PCSK2: variants seen among roughly 807,000 people sequenced by gnomAD.
PCSK2 encodes proprotein convertase subtilisin/kexin type 2.
Under a neutral mutation model 69.7 loss-of-function variants are expected in PCSK2, and 14 were observed. The observed-to-expected ratio is 0.20, with a 90% confidence interval of 0.13 to 0.31. PCSK2 has a LOEUF of 0.31. Ranked by LOEUF, PCSK2 falls within the 10% of genes least tolerant of loss-of-function variation. PCSK2 has a pLI of 1.00. For synonymous variants in PCSK2, 307 were observed against 320.7 expected, an observed-to-expected ratio of 0.96 and a Z score of 0.46; for missense variants, 544 against 842.5, an observed-to-expected ratio of 0.65 and a Z score of 4.39.
chr20:17,360,336 C>CA (rs11087204), intron 3 of PCSK2, among the ~76,000 whole-genome samples, 196 bp from the exon 4 acceptor site: 67,101 of 145,046 alleles, frequency 0.46, 15,422 homozygotes, highest in African/African-American at 0.53. Flanking sequence ...GTGTTTATAC[C>CA]AAAAAAAAAA....
chr20:17,455,327 G>A (rs73898588), intron 9 of PCSK2, among the ~76,000 whole-genome samples: 1,999 of 152,144 alleles, frequency 0.013, 40 homozygotes, highest in African/African-American at 0.046. Flanking sequence ...AAGAATTCCC[G>A]TCGTTTATAC....
chr20:17,343,379 GTCC>G (rs1305100464), intron 2 of PCSK2, among the ~76,000 whole-genome samples: 1 of 152,312 alleles, frequency 6.6e-6, no homozygotes, highest in African/African-American at 2.4e-5. Flanking sequence ...ACATGTAGCT[GTCC>G]TCCTGAGGGT....
chr20:17,465,227 C>T, intron 10 of PCSK2, 99 bp from the exon 11 acceptor site: 1 of 843,768 alleles, frequency 1.2e-6, no homozygotes, highest in South Asian at 1.4e-5. Flanking sequence ...TACAAGAGGT[C>T]TGTGTCCTGA....
intron 2 of PCSK2, among the ~76,000 whole-genome samples, chr20:17,327,669 G>T (rs1990103142): frequency 1.3e-5 from 2 of 152,200 alleles, no homozygotes. Flanking sequence ...AGCTGCTACC[G>T]CTGTGTCTCC....
intron 2 of PCSK2, among the ~76,000 whole-genome samples, chr20:17,326,498 C>T (rs1231922142): frequency 6.6e-6 from 1 of 152,166 alleles, no homozygotes; most frequent in Admixed American, 6.5e-5. Context: ...AATATATCAA[C>T]ATCGTGTCAT....
At chr20:17,226,360 C>G (rs1253024567), upstream of PCSK2, 3 of 152,056 alleles carry the variant, frequency 2.0e-5, no homozygotes, top group Non-Finnish European at 2.9e-5. Flanking sequence ...CTCTCGCCCC[C>G]CATGGATCAC....
At position 17,429,188 on chromosome 20, in the gene PCSK2, G is replaced by A. The variant is rs184470022; in HGVS notation, c.621-247G>A. ...TATACTTGTTTTATTTCTCTATTGC[G>A]GCTTTACAAACCACCCCAAAATGGG... On this transcript the variant is annotated intron_variant, in intron 6 of 11. Transcript: ENST00000262545. Among the ~76,000 whole-genome samples, 310 of 151,508 alleles carry A rather than the reference G, an allele frequency of 2.0e-3. 2 individuals are homozygous for A. Among genetic ancestry groups the A allele is most frequent in the African/African-American group, 7.1e-3 (294 of 41,242 alleles).
rs57275413 is a variant in PCSK2, at chr20:17,460,384, T to A, written c.1202+3936T>A. ...GCTTATTTCTCATTGGCTAGAACTG[T>A]CACATGACCACCGCCACACTTCAAG... On this transcript the variant is annotated intron_variant, in intron 10 of 11. Coordinates refer to ENST00000262545, the MANE Select transcript of PCSK2 (RefSeq NM_002594.5). 1.0e-2 allele frequency among the ~76,000 whole-genome samples: 1,519 copies of A among 152,290 alleles called. 25 individuals carry two copies. The highest frequency in any genetic ancestry group is 0.035 in the African/African-American group (1,449 of 41,558).
At chr20:17,339,176 G>A (rs1568608895) in intron 2 of PCSK2, among the ~76,000 whole-genome samples, 3 of 152,264 alleles carry the variant, frequency 2.0e-5, no homozygotes, top group East Asian at 3.9e-4. Context: ...AACGAGACAC[G>A]ATGCAGCTTT....
At chr20:17,477,280 G>A (rs910633324) in intron 11 of PCSK2, among the ~76,000 whole-genome samples, 2 of 152,150 alleles carry the variant, frequency 1.3e-5, no homozygotes, top group Non-Finnish European at 2.9e-5. Context: ...CATAGGCAAT[G>A]GGCCAGTACA....
At chr20:17,273,546 A>G (rs1987947179) in intron 2 of PCSK2, among the ~76,000 whole-genome samples, 2 of 152,006 alleles carry the variant, frequency 1.3e-5, no homozygotes, top group Non-Finnish European at 2.9e-5. Flanking sequence ...AGTGTCACCT[A>G]CTCCTTTTGC....
intron 2 of PCSK2, among the ~76,000 whole-genome samples, chr20:17,321,070 C>A (rs1234337055): frequency 1.3e-5 from 2 of 152,154 alleles, no homozygotes; most frequent in African/African-American, 4.8e-5. Context: ...TTATGCCAAC[C>A]AATAATGTCT....
intron 5 of PCSK2, among the ~76,000 whole-genome samples, chr20:17,405,841 A>G (rs1219169998): frequency 6.6e-6 from 1 of 152,214 alleles, no homozygotes; most frequent in Non-Finnish European, 1.5e-5. Context: ...AGTTTCTCCC[A>G]GAAATAACTC....
At chr20:17,258,194 T>C (rs757783662) in intron 1 of PCSK2, among the ~76,000 whole-genome samples, 23 of 152,220 alleles carry the variant, frequency 1.5e-4, no homozygotes, top group Non-Finnish European at 1.3e-4. Context: ...ATTGTGAGGT[T>C]GTTCATGTTC....
intron 11 of PCSK2, among the ~76,000 whole-genome samples, chr20:17,469,388 C>A (rs1037508900): frequency 6.6e-6 from 1 of 152,166 alleles, no homozygotes; most frequent in Admixed American, 6.5e-5. Context: ...GCAGCCTTAA[C>A]AACAAACTGG....
chr20:17,311,567 C>A (rs1013166257), intron 2 of PCSK2, among the ~76,000 whole-genome samples: 2 of 152,046 alleles, frequency 1.3e-5, no homozygotes, highest in Non-Finnish European at 2.9e-5. Context: ...TGAAGAAGTT[C>A]TCAGCTTTTA....
At chr20:17,303,536 ATATATAATATGATAT>A (rs1989219090) in intron 2 of PCSK2, among the ~76,000 whole-genome samples, 1 of 30,200 alleles carries the variant, frequency 3.3e-5, no homozygotes, top group Non-Finnish European at 7.0e-5. Context: ...ATATTATATT[ATATATAATATGATAT>A]AATATATATT....
At chr20:17,427,412 C>T in intron 6 of PCSK2, among the ~76,000 whole-genome samples, 1 of 152,102 alleles carries the variant, frequency 6.6e-6, no homozygotes, top group East Asian at 1.9e-4. Flanking sequence ...CACAGGGCCT[C>T]AGGTTTTCAT....
rs757047936 is a variant in PCSK2, at chr20:17,482,032, G to A, written c.1879G>A (p.Val627Met). 5.6e-6 allele frequency: 9 copies of A among 1,605,460 alleles called. No homozygotes were observed. The African/African-American group carries it at 6.7e-5, about 12-fold the overall frequency. ...GCTGGAGGAAGAGCTGGACGAAGCC[G>A]TGGAGAGAAGCCTGAAAAGCATCCT... ...EELEEELDEA[V>M]ERSLKSILNK... The change falls in exon 12 of 12, where the codon GTG becomes ATG. Residue 627 changes from valine to methionine, a missense_variant. This residue lies in a region of PCSK2 where 200 missense variants were observed against 287.8 expected (regional missense o/e 0.69). Coordinates refer to ENST00000262545, the MANE Select transcript of PCSK2 (RefSeq NM_002594.5).
Sources: allele counts gnomAD v4.1 joint callset (sites outside exome capture counted in the v4.1 genomes callset), GRCh38; gene constraint gnomAD v4.1.1; regional missense constraint gnomAD v4.1.1; transcripts MANE v1.5; gene names NCBI Gene and HGNC (gene_info 2026-07-23, HGNC 2026-07-21).